The following TAFA1 variants were observed in gnomAD, a reference collection of about 807,000 sequenced individuals.
TAFA1 encodes the protein chemokine-like protein TAFA-1.
Under a neutral mutation model 18.5 loss-of-function variants are expected in TAFA1, and 4 were observed. That is an observed-to-expected ratio of 0.22 (90% CI 0.11 to 0.49). TAFA1 has a LOEUF of 0.49. Ranked by LOEUF, TAFA1 falls within the 20% of genes least tolerant of loss-of-function variation. The pLI, the probability that TAFA1 is intolerant of heterozygous loss-of-function variation, is 0.98. For synonymous variants in TAFA1, 56 were observed against 55.2 expected, an observed-to-expected ratio of 1.01 and a Z score of -0.06; for missense variants, 147 against 169.0, an observed-to-expected ratio of 0.87 and a Z score of 0.72.
In TAFA1 at chr3:68,219,988, A is replaced by G. The variant is rs147713665; in HGVS notation, c.119-197292A>G. Among the ~76,000 whole-genome samples the G allele has an allele frequency of 3.3e-3, 498 of 152,310 alleles. 1 individual carries two copies. The highest frequency in any genetic ancestry group is 0.011 in the African/African-American group (457 of 41,572). ...ATTGCTAGACAATAATCAGTAATCA[A>G]TACAAAAGAAGGTTTTGTCCTCTCC... is the stretch of plus-strand genomic sequence containing the variant. On this transcript the variant is annotated intron_variant, in intron 2 of 4. Transcript: ENST00000478136.
intron 3 of TAFA1, among the ~76,000 whole-genome samples, chr3:68,469,032 A>C (rs2106942263): frequency 6.6e-6 from 1 of 152,304 alleles, no homozygotes; most frequent in Non-Finnish European, 1.5e-5. Flanking sequence ...CAATGGTTCA[A>C]ACTGAAGCAC....
At chr3:68,534,010 A>C (rs1316265734) in intron 3 of TAFA1, among the ~76,000 whole-genome samples, 1 of 152,146 alleles carries the variant, frequency 6.6e-6, no homozygotes, top group East Asian at 1.9e-4. Context: ...AAGAAAACTA[A>C]AATATTTTAC....
chr3:68,367,050 T>C (rs1306236483), intron 2 of TAFA1, among the ~76,000 whole-genome samples: 1 of 152,166 alleles, frequency 6.6e-6, no homozygotes, highest in Non-Finnish European at 1.5e-5. Flanking sequence ...ATAGGGATCT[T>C]ATTTAAGATC....
intron 2 of TAFA1, among the ~76,000 whole-genome samples, chr3:68,405,000 T>G (rs922193930): frequency 6.6e-6 from 1 of 152,068 alleles, no homozygotes; most frequent in Non-Finnish European, 1.5e-5. Context: ...ATTTTTTCCA[T>G]TGGAAAAAAA....
At chr3:68,172,819 A>T (rs887942664) in intron 2 of TAFA1, among the ~76,000 whole-genome samples, 1 of 152,150 alleles carries the variant, frequency 6.6e-6, no homozygotes, top group Non-Finnish European at 1.5e-5. Flanking sequence ...CAGGATGGGT[A>T]AATCTGTAGA....
intron 2 of TAFA1, among the ~76,000 whole-genome samples, chr3:68,352,974 G>C (rs1204717850): frequency 6.6e-6 from 1 of 152,038 alleles, no homozygotes; most frequent in African/African-American, 2.4e-5. Flanking sequence ...GAATCAAAAA[G>C]CGAAGAAGCC....
intron 2 of TAFA1, among the ~76,000 whole-genome samples, chr3:68,149,752 T>C (rs1231936727): frequency 1.3e-5 from 2 of 152,192 alleles, no homozygotes; most frequent in African/African-American, 4.8e-5. Flanking sequence ...GAGGACAAAC[T>C]TCAAAACTTT....
At chr3:68,226,995 A>G in intron 2 of TAFA1, among the ~76,000 whole-genome samples, 1 of 152,190 alleles carries the variant, frequency 6.6e-6, no homozygotes, top group African/African-American at 2.4e-5. Flanking sequence ...GGGGCACATA[A>G]GAGAAGCTGA....
intron 2 of TAFA1, among the ~76,000 whole-genome samples, chr3:68,281,275 C>T (rs2067892701): frequency 6.6e-6 from 1 of 151,996 alleles, no homozygotes; most frequent in Non-Finnish European, 1.5e-5. Flanking sequence ...TCATACATTA[C>T]AAAACGACTT....
At chr3:68,088,561 T>A (rs1278421108) in intron 2 of TAFA1, among the ~76,000 whole-genome samples, 1 of 152,188 alleles carries the variant, frequency 6.6e-6, no homozygotes, top group Admixed American at 6.5e-5. Flanking sequence ...TTAGTTTCTG[T>A]CAGTCTAGCA....
chr3:68,044,260 T>C (rs1705224107), intron 2 of TAFA1, among the ~76,000 whole-genome samples: 1 of 152,256 alleles, frequency 6.6e-6, no homozygotes, highest in Non-Finnish European at 1.5e-5. Context: ...TTTTAATTCT[T>C]CTGCTTTTAT....
At chr3:68,180,547 T>G (rs1431887680) in intron 2 of TAFA1, among the ~76,000 whole-genome samples, 1 of 152,148 alleles carries the variant, frequency 6.6e-6, no homozygotes, top group Non-Finnish European at 1.5e-5. Flanking sequence ...GGATTTATGG[T>G]TTCTTTTGAA....
chr3:68,401,687 A>G (rs911372645), intron 2 of TAFA1, among the ~76,000 whole-genome samples: 2 of 152,202 alleles, frequency 1.3e-5, no homozygotes, highest in Non-Finnish European at 2.9e-5. Context: ...CTTTGTGTGT[A>G]GCTTGGACCA....
chr3:68,109,984 A>T (rs534920081), intron 2 of TAFA1, among the ~76,000 whole-genome samples: 4 of 152,148 alleles, frequency 2.6e-5, no homozygotes, highest in Middle Eastern at 6.8e-3. Context: ...TTTTTCTTCA[A>T]CTTTTAAGTT....
At chr3:68,483,791 T>C (rs2072282179) in intron 3 of TAFA1, among the ~76,000 whole-genome samples, 1 of 152,168 alleles carries the variant, frequency 6.6e-6, no homozygotes, top group Non-Finnish European at 1.5e-5. Flanking sequence ...GATAATGCCT[T>C]TCACATGTTT....
chr3:68,021,270 T>C (rs1704684699), intron 2 of TAFA1, among the ~76,000 whole-genome samples: 1 of 150,390 alleles, frequency 6.6e-6, no homozygotes, highest in African/African-American at 2.4e-5. Flanking sequence ...TTTGATTAAT[T>C]AATGAAGATA....
intron 2 of TAFA1, among the ~76,000 whole-genome samples, chr3:68,046,363 A>G (rs984916285): frequency 2.0e-5 from 3 of 152,228 alleles, no homozygotes; most frequent in Non-Finnish European, 4.4e-5. Context: ...TTCTAAATGT[A>G]TAACTATTTC....
chr3:68,376,198 G>T (rs1371054116), intron 2 of TAFA1, among the ~76,000 whole-genome samples: 1 of 151,730 alleles, frequency 6.6e-6, no homozygotes, highest in Non-Finnish European at 1.5e-5. Flanking sequence ...TGTTTAAGTG[G>T]TTCAGTGTTT....
At chr3:68,374,078 A>ACCCT (rs1218486543) in intron 2 of TAFA1, among the ~76,000 whole-genome samples, 1 of 152,092 alleles carries the variant, frequency 6.6e-6, no homozygotes, top group East Asian at 1.9e-4. Context: ...AGATGGTGTC[A>ACCCT]CCCTCCTCTT....
Sources: allele counts gnomAD v4.1 joint callset (sites outside exome capture counted in the v4.1 genomes callset), GRCh38; gene constraint gnomAD v4.1.1; transcripts MANE v1.5; gene names NCBI Gene and HGNC (gene_info 2026-07-23, HGNC 2026-07-21).